The following CTNNA3 variants were observed in gnomAD, a reference collection of about 807,000 sequenced individuals.
The protein encoded by CTNNA3 is catenin alpha 3, also known as catenin alpha-3.
A neutral mutation model predicts 95.7 loss-of-function variants in CTNNA3; 76 were observed. The observed-to-expected ratio is 0.79, with a 90% CI of 0.66 to 0.96. CTNNA3 has a LOEUF of 0.96. Ranked by LOEUF, CTNNA3 falls within the 40% of genes least tolerant of loss-of-function variation. The probability of loss-of-function intolerance (pLI) is 0.00; values close to 1 mark genes in which losing one functional copy is unlikely to be tolerated. For missense variants in CTNNA3, 1,191 were observed against 1,089.8 expected, an observed-to-expected ratio of 1.09 and a Z score of -1.31; for synonymous variants, 431 against 374.4, an observed-to-expected ratio of 1.15 and a Z score of -1.74.
intron 1 of CTNNA3, among the ~76,000 whole-genome samples, chr10:67,740,198 A>G (rs1268104054): frequency 1.3e-5 from 2 of 152,316 alleles, no homozygotes; most frequent in Admixed American, 6.5e-5. Context: ...CTAAAACCAT[A>G]AAAACCCTAG....
intron 7 of CTNNA3, among the ~76,000 whole-genome samples, chr10:66,793,972 T>C (rs1271589593): frequency 6.6e-6 from 1 of 152,176 alleles, no homozygotes; most frequent in Non-Finnish European, 1.5e-5. Flanking sequence ...ATTTGGAATT[T>C]TGAGTCACTG....
chr10:66,294,744 C>T (rs2091746348), intron 12 of CTNNA3, among the ~76,000 whole-genome samples: 2 of 151,938 alleles, frequency 1.3e-5, no homozygotes, highest in Admixed American at 1.3e-4. Context: ...TTGACTAATC[C>T]TGATGTCTAG....
intron 13 of CTNNA3, among the ~76,000 whole-genome samples, chr10:66,249,310 A>G (rs1043662854): frequency 2.6e-5 from 4 of 152,172 alleles, no homozygotes; most frequent in Non-Finnish European, 5.9e-5. Flanking sequence ...TGCACAGCAA[A>G]GAAACTATCC....
chr10:66,305,047 C>T (rs978448360), intron 12 of CTNNA3, among the ~76,000 whole-genome samples: 3 of 152,112 alleles, frequency 2.0e-5, no homozygotes, highest in African/African-American at 7.2e-5. Context: ...CTCATGCCTG[C>T]CTTTCACATG....
intron 5 of CTNNA3, among the ~76,000 whole-genome samples, chr10:67,275,163 C>T (rs1839139116): frequency 1.3e-5 from 2 of 152,094 alleles, no homozygotes. Context: ...ATTTTAAATA[C>T]GTTAGCACTT....
chr10:66,246,493 C>A (rs2090331382), intron 13 of CTNNA3, among the ~76,000 whole-genome samples: 1 of 152,068 alleles, frequency 6.6e-6, no homozygotes, highest in African/African-American at 2.4e-5. Context: ...CCTGGCCATG[C>A]CTCCTTGCTG....
chr10:67,241,444 A>T (rs114664072), intron 5 of CTNNA3, among the ~76,000 whole-genome samples: 1,541 of 152,196 alleles, frequency 0.01, 15 homozygotes, highest in African/African-American at 0.024. Context: ...TCCATAGGTC[A>T]GAAAATTTTT....
chr10:67,005,682 C>CTTTT lies in CTNNA3; in HGVS notation c.1047+174631_1047+174634dup, dbSNP rs11369576. 2.1e-4 allele frequency among the ~76,000 whole-genome samples: 13 copies of CTTTT among 61,972 alleles called. 2 individuals carry two copies. Among genetic ancestry groups the CTTTT allele is most frequent in the Admixed American group, 1.3e-3 (4 of 3,052 alleles). 40.7% of individuals were successfully genotyped at this position (61,972 alleles called of 152,430 possible). A position where few individuals can be genotyped will look rare whatever the true frequency, so the allele number is the denominator to read the frequency against. On this transcript the variant is annotated intron_variant, in intron 7 of 17. Coordinates refer to ENST00000433211, the MANE Select transcript of CTNNA3 (RefSeq NM_013266.4). ...AATGCTTTTGTTTATTTTACTCCAT[C>CTTTT]TTTTTTTTTTTTTTTTTTTTTGAGA... is the stretch of plus-strand genomic sequence containing the variant.
At chr10:66,538,991 T>C (rs1841753009) in intron 10 of CTNNA3, among the ~76,000 whole-genome samples, 1 of 152,124 alleles carries the variant, frequency 6.6e-6, no homozygotes, top group Admixed American at 6.5e-5. Flanking sequence ...GAACTTCCGT[T>C]CAAGTAATAT....
chr10:66,918,992 G>A (rs983380320), intron 7 of CTNNA3, among the ~76,000 whole-genome samples: 10 of 151,958 alleles, frequency 6.6e-5, no homozygotes, highest in Admixed American at 2.6e-4. Flanking sequence ...AAAATTAGCC[G>A]GGCGTGGTGG....
intron 2 of CTNNA3, among the ~76,000 whole-genome samples, chr10:67,638,725 A>G (rs1296952702): frequency 2.0e-5 from 3 of 152,334 alleles, no homozygotes; most frequent in African/African-American, 7.2e-5. Context: ...CCACTCAACT[A>G]CATGGAAACT....
At chr10:66,488,043 G>A (rs1309526060) in intron 11 of CTNNA3, among the ~76,000 whole-genome samples, 1 of 152,088 alleles carries the variant, frequency 6.6e-6, no homozygotes, top group African/African-American at 2.4e-5. Context: ...CCATAGCTCT[G>A]ACACAAAATT....
intron 9 of CTNNA3, among the ~76,000 whole-genome samples, chr10:66,661,648 C>CAAAACA (rs1187947470): frequency 2.0e-5 from 3 of 151,972 alleles, no homozygotes; most frequent in Admixed American, 6.6e-5. Context: ...CAAAACAAAA[C>CAAAACA]AAAACAAAAA....
chr10:66,878,436 C>T (rs1478680630), intron 7 of CTNNA3, among the ~76,000 whole-genome samples: 1 of 152,066 alleles, frequency 6.6e-6, no homozygotes, highest in African/African-American at 2.4e-5. Context: ...TCCATTTTTC[C>T]CCAGCACGCT....
At chr10:67,383,745 A>T (rs1237828906) in intron 5 of CTNNA3, among the ~76,000 whole-genome samples, 1 of 152,206 alleles carries the variant, frequency 6.6e-6, no homozygotes. Context: ...TTGAGTTTCT[A>T]TTATATGGCA....
chr10:66,763,595 A>G (rs1159035868), intron 9 of CTNNA3, among the ~76,000 whole-genome samples: 2 of 152,174 alleles, frequency 1.3e-5, no homozygotes, highest in Non-Finnish European at 2.9e-5. Context: ...AGTGACCACA[A>G]ATACTTTGCT....
In CTNNA3 at chr10:67,733,425, G is replaced by A. The variant is rs182152705; in HGVS notation, c.-2+30009C>T. ...GGGTTCCTCAACCTACTCTACATCC[G>A]TAGATCATACCCATCTTCCACCAAG... is the stretch of plus-strand genomic sequence containing the variant. On this transcript the variant is annotated intron_variant, in intron 1 of 17. Coordinates refer to the CTNNA3 transcript ENST00000684154. Among the ~76,000 whole-genome samples the A allele has an allele frequency of 1.4e-4, 22 of 152,138 alleles. No homozygotes were observed. The East Asian group carries it at 1.9e-3, about 13-fold the overall frequency.
chr10:67,209,758 C>T (rs1157447981), intron 6 of CTNNA3, among the ~76,000 whole-genome samples: 1 of 151,066 alleles, frequency 6.6e-6, no homozygotes, highest in East Asian at 2.0e-4. Context: ...TTTTAAAACA[C>T]ACTTCTAGTA....
chr10:67,161,135 G>C (rs1861526042), intron 7 of CTNNA3, among the ~76,000 whole-genome samples: 1 of 152,066 alleles, frequency 6.6e-6, no homozygotes, highest in African/African-American at 2.4e-5. Context: ...GTTTTCATTT[G>C]ATATATTGTT....
Sources: allele counts gnomAD v4.1 joint callset (sites outside exome capture counted in the v4.1 genomes callset), GRCh38; gene constraint gnomAD v4.1.1; transcripts MANE v1.5; gene names NCBI Gene and HGNC (gene_info 2026-07-23, HGNC 2026-07-21).